The following SLC9A9 variants were observed in gnomAD, a reference collection of about 807,000 sequenced individuals.
SLC9A9 encodes the protein sodium/hydrogen exchanger 9.
Under a neutral mutation model 77.8 loss-of-function variants are expected in SLC9A9, and 62 were observed. The ratio of observed to expected loss-of-function variants is 0.80; its 90% CI spans 0.65 to 0.98. The LOEUF (loss-of-function observed/expected upper bound fraction) is 0.98, where lower values mean the gene tolerates loss of function less well. Among genes scored for constraint, SLC9A9 ranks in the 50% least tolerant of loss-of-function variants. SLC9A9 has a pLI of 0.00. For missense variants in SLC9A9, 775 were observed against 774.9 expected (o/e 1.00, Z 0.00); for synonymous variants, 320 against 283.5 (o/e 1.13, Z -1.29).
intron 4 of SLC9A9, among the ~76,000 whole-genome samples, chr3:143,747,492 G>A (rs1172331850): frequency 6.6e-6 from 1 of 152,112 alleles, no homozygotes; most frequent in Non-Finnish European, 1.5e-5. Context: ...AATTATTCAG[G>A]TGGACCCTAA....
At chr3:143,716,621 G>A (rs1420302972) in intron 4 of SLC9A9, among the ~76,000 whole-genome samples, 1 of 152,052 alleles carries the variant, frequency 6.6e-6, no homozygotes, top group Non-Finnish European at 1.5e-5. Flanking sequence ...AGCACACTAT[G>A]GAAGCAGTAG....
chr3:143,547,473 C>T (rs1707909456), intron 9 of SLC9A9, among the ~76,000 whole-genome samples: 2 of 152,184 alleles, frequency 1.3e-5, no homozygotes, highest in South Asian at 2.1e-4. Flanking sequence ...CTAGCTAATA[C>T]CGGATACTTC....
Position 143,606,428 on chromosome 3 carries a change from CTCTCTCTCTATATATATA to C in SLC9A9, c.756-27723_756-27706del, listed in dbSNP as rs1357935026. ...TCTCTCTCTCTCTCTCTCTCTCTCT[CTCTCTCTCTATATATATA>C]TATATATATATATATGTATATAAAA... is the stretch of plus-strand genomic sequence containing the variant. On this transcript the variant is annotated intron_variant, in intron 6 of 15. Coordinates refer to ENST00000316549, the MANE Select transcript of SLC9A9 (RefSeq NM_173653.4). Among the ~76,000 whole-genome samples the C allele has an allele frequency of 9.0e-4, 63 of 69,906 alleles. 3 individuals carry two copies. Among genetic ancestry groups the C allele is most frequent in the African/African-American group, 3.1e-3 (58 of 19,012 alleles). 45.9% of individuals were successfully genotyped at this position (69,906 alleles called of 152,430 possible). A position where few individuals can be genotyped will look rare whatever the true frequency, so the allele number is the denominator to read the frequency against.
At chr3:143,375,522 T>C (rs1576456794) in intron 13 of SLC9A9, among the ~76,000 whole-genome samples, 1 of 152,198 alleles carries the variant, frequency 6.6e-6, no homozygotes, top group Admixed American at 6.5e-5. Context: ...GAGAAAGACC[T>C]ACTCAGGGTA....
intron 12 of SLC9A9, among the ~76,000 whole-genome samples, chr3:143,407,853 A>G (rs1169969521): frequency 6.6e-6 from 1 of 152,264 alleles, no homozygotes; most frequent in African/African-American, 2.4e-5. Flanking sequence ...AAGACTTTGA[A>G]TCAGTAGGTA....
At chr3:143,507,063 A>G (rs1366215503) in intron 9 of SLC9A9, among the ~76,000 whole-genome samples, 1 of 151,730 alleles carries the variant, frequency 6.6e-6, no homozygotes, top group African/African-American at 2.4e-5. Flanking sequence ...TTCCTTATTC[A>G]TCTTGTGCAT....
chr3:143,768,960 T>C (rs1401368206), intron 4 of SLC9A9, among the ~76,000 whole-genome samples: 3 of 152,188 alleles, frequency 2.0e-5, no homozygotes, highest in Non-Finnish European at 4.4e-5. Context: ...GCATAGTGTT[T>C]AAAAGCTTGT....
At chr3:143,741,308 C>A (rs539990138) in intron 4 of SLC9A9, among the ~76,000 whole-genome samples, 1 of 152,206 alleles carries the variant, frequency 6.6e-6, no homozygotes, top group South Asian at 2.1e-4. Flanking sequence ...CAAAGGGGCA[C>A]AGAAACCAAT....
chr3:143,594,255 A>G (rs2037713333), intron 6 of SLC9A9, among the ~76,000 whole-genome samples: 2 of 152,184 alleles, frequency 1.3e-5, no homozygotes, highest in African/African-American at 2.4e-5. Context: ...AGTCTTAAAT[A>G]CTGAATTTGG....
intron 6 of SLC9A9, chr3:143,626,849 T>C (rs2038338264): frequency 6.6e-6 from 1 of 150,720 alleles, no homozygotes. Flanking sequence ...AGCAAGAGGG[T>C]TGAATTTTGG....
chr3:143,476,579 C>G (rs553466169), intron 11 of SLC9A9, among the ~76,000 whole-genome samples: 2 of 152,328 alleles, frequency 1.3e-5, no homozygotes, highest in African/African-American at 2.4e-5. Flanking sequence ...GAATAATCCT[C>G]ATTACTAGCT....
intron 4 of SLC9A9, among the ~76,000 whole-genome samples, chr3:143,749,718 T>G (rs2006649939): frequency 6.6e-6 from 1 of 152,222 alleles, no homozygotes; most frequent in Admixed American, 6.5e-5. Context: ...CTTCTTACAA[T>G]TCTCAGAGAG....
intron 6 of SLC9A9, among the ~76,000 whole-genome samples, chr3:143,642,809 T>A (rs1347512143): frequency 6.6e-6 from 1 of 152,234 alleles, no homozygotes; most frequent in Non-Finnish European, 1.5e-5. Context: ...GGGTTTAATA[T>A]GACATTTATG....
chr3:143,804,384 C>T (rs1016203975), intron 2 of SLC9A9, among the ~76,000 whole-genome samples: 3 of 152,134 alleles, frequency 2.0e-5, no homozygotes, highest in African/African-American at 7.2e-5. Context: ...TACTCGTAGA[C>T]ACTCAACGTT....
chr3:143,558,460 A>T (rs1419209970), intron 8 of SLC9A9, among the ~76,000 whole-genome samples: 4 of 152,196 alleles, frequency 2.6e-5, no homozygotes, highest in African/African-American at 9.6e-5. Context: ...ACAGGGTTGT[A>T]CCCTACAAAG....
chr3:143,461,871 G>A (rs1303335248), intron 12 of SLC9A9, among the ~76,000 whole-genome samples: 1 of 152,112 alleles, frequency 6.6e-6, no homozygotes, highest in African/African-American at 2.4e-5. Context: ...AAGGAAGTCT[G>A]TATGGAAGCA....
chr3:143,693,896 A>G (rs1426951370), intron 4 of SLC9A9, among the ~76,000 whole-genome samples: 1 of 152,180 alleles, frequency 6.6e-6, no homozygotes, highest in Non-Finnish European at 1.5e-5. Flanking sequence ...GAATACTGAA[A>G]TAGTTGCATT....
intron 12 of SLC9A9, among the ~76,000 whole-genome samples, chr3:143,459,117 GT>G (rs34589302): frequency 6.7e-6 from 1 of 149,568 alleles, no homozygotes; most frequent in African/African-American, 2.5e-5. Context: ...TTTCTCTACA[GT>G]TTTTTTTTCA....
chr3:143,603,392 C>G (rs1230813099), intron 6 of SLC9A9, among the ~76,000 whole-genome samples: 1 of 152,182 alleles, frequency 6.6e-6, no homozygotes, highest in African/African-American at 2.4e-5. Context: ...TCTGTGTGAC[C>G]AACAGAATTG....
Sources: gnomAD v4.1 joint callset for allele counts (sites outside exome capture counted in the v4.1 genomes callset) on GRCh38, gnomAD v4.1.1 for gene constraint, MANE v1.5 for transcripts, NCBI Gene and HGNC (gene_info 2026-07-23, HGNC 2026-07-21) for gene names.